SGMS2: variants seen among roughly 807,000 people sequenced by gnomAD.
SGMS2 encodes the protein phosphatidylcholine:ceramide cholinephosphotransferase 2.
A neutral mutation model predicts 43.8 loss-of-function variants in SGMS2; 21 were observed. That is an observed-to-expected ratio of 0.48 (90% CI 0.34 to 0.69). The LOEUF is 0.69. SGMS2 is among the 30% of genes least tolerant of loss of function. The pLI, the probability that SGMS2 is intolerant of heterozygous loss-of-function variation, is 0.01. For synonymous variants in SGMS2, 167 were observed against 160.6 expected, an observed-to-expected ratio of 1.04 and a Z score of -0.30; for missense variants, 384 against 443.2, an observed-to-expected ratio of 0.87 and a Z score of 1.20.
chr4:107,863,795 A>G (rs568733631), intron 2 of SGMS2: 1 of 152,236 alleles, frequency 6.6e-6, no homozygotes, highest in Non-Finnish European at 1.5e-5. Flanking sequence ...ACAGTAAGTC[A>G]GATGAAATGT....
At chr4:107,888,712 G>T (rs1471083308) in intron 2 of SGMS2, among the ~76,000 whole-genome samples, 3 of 151,476 alleles carry the variant, frequency 2.0e-5, no homozygotes, top group Non-Finnish European at 2.9e-5. Flanking sequence ...GACAAAAATT[G>T]TTCACCCTTT....
chr4:107,857,144 C>G (rs1014934015), intron 1 of SGMS2, among the ~76,000 whole-genome samples: 1 of 152,176 alleles, frequency 6.6e-6, no homozygotes, highest in Admixed American at 6.5e-5. Context: ...TGGCTTCTTT[C>G]ACTTAGAATA....
chr4:107,899,341 A>G (rs569569984), intron 3 of SGMS2, among the ~76,000 whole-genome samples: 6 of 152,192 alleles, frequency 3.9e-5, no homozygotes, highest in Non-Finnish European at 8.8e-5. Flanking sequence ...AACCACCTAG[A>G]TTTATTGCAG....
At chr4:107,862,655 C>G (rs1288387070) in intron 2 of SGMS2, among the ~76,000 whole-genome samples, 1 of 152,136 alleles carries the variant, frequency 6.6e-6, no homozygotes, top group East Asian at 1.9e-4. Context: ...AAGAGAATGA[C>G]TGAAGGAGCC....
chr4:107,826,172 G>T (rs146697419), intron 1 of SGMS2, among the ~76,000 whole-genome samples: 18 of 152,290 alleles, frequency 1.2e-4, no homozygotes, highest in Non-Finnish European at 2.2e-4. Flanking sequence ...ATAATAATGA[G>T]GATTAAAGCG....
chr4:107,881,046 T>C (rs547615455), intron 2 of SGMS2, among the ~76,000 whole-genome samples: 1 of 152,060 alleles, frequency 6.6e-6, no homozygotes, highest in East Asian at 1.9e-4. Flanking sequence ...CAGATATGGG[T>C]GATAGGGAAA....
intron 1 of SGMS2, among the ~76,000 whole-genome samples, chr4:107,856,615 C>T (rs991186243): frequency 1.3e-5 from 2 of 152,056 alleles, no homozygotes; most frequent in Admixed American, 6.6e-5. Flanking sequence ...GGGTGATAAC[C>T]GGAGAAGGGT....
intron 1 of SGMS2, among the ~76,000 whole-genome samples, chr4:107,846,437 T>C (rs558807109): frequency 1.1e-3 from 167 of 151,462 alleles, no homozygotes; most frequent in Non-Finnish European, 2.0e-3. Context: ...ACAAAGGACA[T>C]GAACTCATCA....
At chr4:107,858,906 G>A (rs751002061) in intron 2 of SGMS2, among the ~76,000 whole-genome samples, 3 of 152,142 alleles carry the variant, frequency 2.0e-5, no homozygotes, top group Non-Finnish European at 4.4e-5. Context: ...TCTCAACCAT[G>A]CCTTAAGAAA....
intron 2 of SGMS2, among the ~76,000 whole-genome samples, chr4:107,888,810 TATTTA>T (rs762441140): frequency 3.3e-5 from 5 of 152,154 alleles, no homozygotes; most frequent in Non-Finnish European, 7.3e-5. Context: ...AAATATCTAT[TATTTA>T]ATTTAACTTT....
Position 107,912,682 on chromosome 4 carries a change from TTAAAC to T in SGMS2, c.*2131_*2135del, listed in dbSNP as rs1732200112. Reference sequence around the variant, plus strand: ...TCATCTATTGAATAAGAAAAAGTGTTTAAACTTAATAAAATAAAAAATTGTGCACC... The same window carrying T: ...TCATCTATTGAATAAGAAAAAGTGTTTTAATAAAATAAAAAATTGTGCACC... On this transcript the variant is annotated 3_prime_UTR_variant, in exon 7 of 7. Transcript: ENST00000690982. The T allele has an allele frequency of 6.6e-6, 1 of 152,154 alleles. No homozygotes were observed. The highest frequency in any genetic ancestry group is 1.5e-5 in the Non-Finnish European group (1 of 68,048). 9.4% of individuals were successfully genotyped at this position (152,154 alleles called of 1,614,324 possible). A position where few individuals can be genotyped will look rare whatever the true frequency, so the allele number is the denominator to read the frequency against.
intron 2 of SGMS2, among the ~76,000 whole-genome samples, chr4:107,890,389 C>G (rs753605979): frequency 6.6e-6 from 1 of 151,992 alleles, no homozygotes; most frequent in African/African-American, 2.4e-5. Flanking sequence ...ATTTAAAAAA[C>G]GGGCGCTAGG....
chr4:107,885,818 C>T (rs867883707), intron 2 of SGMS2, among the ~76,000 whole-genome samples: 6 of 152,008 alleles, frequency 3.9e-5, no homozygotes, highest in Non-Finnish European at 7.4e-5. Flanking sequence ...AGTTAGAAAA[C>T]CTAATAAAAA....
intron 2 of SGMS2, among the ~76,000 whole-genome samples, chr4:107,881,085 C>A (rs1578598092): frequency 6.6e-6 from 1 of 151,318 alleles, no homozygotes; most frequent in Non-Finnish European, 1.5e-5. Flanking sequence ...TCTTTTTTCC[C>A]CACAATAGTG....
At chr4:107,889,724 C>T (rs1276518255) in intron 2 of SGMS2, among the ~76,000 whole-genome samples, 1 of 152,038 alleles carries the variant, frequency 6.6e-6, no homozygotes, top group Non-Finnish European at 1.5e-5. Flanking sequence ...AGGTAGTTGT[C>T]AGCTAAATAG....
chr4:107,831,053 A>C (rs1019610513), intron 1 of SGMS2, among the ~76,000 whole-genome samples: 14 of 152,306 alleles, frequency 9.2e-5, no homozygotes, highest in Non-Finnish European at 1.2e-4. Flanking sequence ...GTGTGGAAGC[A>C]ATTTGGAAAG....
At chr4:107,852,778 T>G (rs1370945633) in intron 1 of SGMS2, among the ~76,000 whole-genome samples, 2 of 151,458 alleles carry the variant, frequency 1.3e-5, no homozygotes, top group South Asian at 2.1e-4. Context: ...GGCAATGTCT[T>G]GGTTAATAGG....
At chr4:107,831,424 C>A (rs1725886005) in intron 1 of SGMS2, among the ~76,000 whole-genome samples, 1 of 152,124 alleles carries the variant, frequency 6.6e-6, no homozygotes, top group African/African-American at 2.4e-5. Context: ...CACAGGTGAA[C>A]CTCCATTTCT....
rs553663924 is a variant in SGMS2 at position 107,838,588 on chromosome 4, C to G, written c.-327+13335C>G. Among the ~76,000 whole-genome samples, 221 of 152,318 alleles carry G rather than the reference C, an allele frequency of 1.5e-3. 1 individual carries two copies. Among genetic ancestry groups the G allele is most frequent in the African/African-American group, 5.0e-3 (209 of 41,576 alleles). Reference sequence around the variant, plus strand: ...TGTAATTCTAGTACAATATCAAAACCAGTCCTCTTTTTGTTCCAAAGTTCG... The same window carrying G: ...TGTAATTCTAGTACAATATCAAAACGAGTCCTCTTTTTGTTCCAAAGTTCG... On this transcript the variant is annotated intron_variant, in intron 1 of 6. Transcript: ENST00000690982.
Sources: allele counts gnomAD v4.1 joint callset (sites outside exome capture counted in the v4.1 genomes callset), GRCh38; gene constraint gnomAD v4.1.1; transcripts MANE v1.5; gene names NCBI Gene and HGNC (gene_info 2026-07-23, HGNC 2026-07-21).